PREX2: variants seen among roughly 807,000 people sequenced by gnomAD.
PREX2 encodes phosphatidylinositol-3,4,5-trisphosphate dependent Rac exchange factor 2, also known as phosphatidylinositol 3,4,5-trisphosphate-dependent Rac exchanger 2 protein.
In PREX2, 107 loss-of-function variants were observed where a neutral mutation model predicts 203.2. That is an observed-to-expected ratio of 0.53 (90% CI 0.45 to 0.62). The LOEUF is 0.62. Ranked by LOEUF, PREX2 falls within the 20% of genes least tolerant of loss-of-function variation. The pLI, the probability that PREX2 is intolerant of heterozygous loss-of-function variation, is 0.00. For synonymous variants in PREX2, 672 were observed against 663.6 expected, an observed-to-expected ratio of 1.01 and a Z score of -0.19; for missense variants, 1,777 against 1,955.9, an observed-to-expected ratio of 0.91 and a Z score of 1.72.
chr8:68,120,980 A>G lies in PREX2; in HGVS notation c.3655A>G (p.Lys1219Glu). The G allele has an allele frequency of 6.2e-7, 1 of 1,613,712 alleles. No individual in the cohort carries two copies. The highest frequency in any genetic ancestry group is 1.1e-5 in the South Asian group (1 of 91,048). ...SCPKRLRLHIKQDPWNLPSSV... is the reference protein window; with the variant it reads ...SCPKRLRLHIEQDPWNLPSSV... ...TCCAAAAAGGCTACGGCTTCATATC[A>G]AGCAAGATCCTTGGAATCTTCCCAG... The change falls in exon 30 of 40, where the codon AAG becomes GAG. Residue 1219 changes from lysine (K) to glutamate (E), a missense_variant. Transcript: ENST00000288368.
chr8:68,146,748 T>C (rs7828397), intron 34 of PREX2, among the ~76,000 whole-genome samples: 26,221 of 152,188 alleles, frequency 0.17, 2,453 homozygotes, highest in African/African-American at 0.24. Context: ...ATATCACACA[T>C]GTATGTCTAT....
intron 35 of PREX2, among the ~76,000 whole-genome samples, chr8:68,183,925 C>G (rs567816807): frequency 1.8e-4 from 28 of 152,052 alleles, no homozygotes; most frequent in Non-Finnish European, 3.7e-4. Flanking sequence ...TTTTTAAACA[C>G]TCAAGTAGAA....
chr8:68,112,546 A>G (rs1810555357), intron 25 of PREX2, among the ~76,000 whole-genome samples: 1 of 152,054 alleles, frequency 6.6e-6, no homozygotes, highest in Non-Finnish European at 1.5e-5. Flanking sequence ...TTCCCCAAGC[A>G]TTTTGCTACT....
intron 1 of PREX2, among the ~76,000 whole-genome samples, chr8:67,972,513 T>C (rs1162066059): frequency 1.3e-5 from 2 of 152,152 alleles, no homozygotes; most frequent in Non-Finnish European, 1.5e-5. Flanking sequence ...TTTCAGACCC[T>C]TTTTTTAAGA....
intron 30 of PREX2, among the ~76,000 whole-genome samples, chr8:68,121,537 A>G (rs1810773703): frequency 6.6e-6 from 1 of 152,134 alleles, no homozygotes; most frequent in Non-Finnish European, 1.5e-5. Context: ...TATTTACATG[A>G]CATTCTATAA....
chr8:68,028,865 G>C (rs560829452), intron 5 of PREX2, among the ~76,000 whole-genome samples: 1 of 152,112 alleles, frequency 6.6e-6, no homozygotes, highest in African/African-American at 2.4e-5. Context: ...TCAGGTATTT[G>C]AACTGACCTC....
At chr8:68,166,377 A>C (rs1174704018) in intron 35 of PREX2, among the ~76,000 whole-genome samples, 1 of 152,156 alleles carries the variant, frequency 6.6e-6, no homozygotes, top group Non-Finnish European at 1.5e-5. Context: ...TGTCGACCTA[A>C]AAGGAAGAAA....
chr8:68,114,575 G>A (rs1810604108), intron 25 of PREX2, among the ~76,000 whole-genome samples: 1 of 152,216 alleles, frequency 6.6e-6, no homozygotes, highest in African/African-American at 2.4e-5. Context: ...ACAGCCAAAT[G>A]TTCAAGCCTA....
At chr8:68,137,806 C>T (rs1272838150) in intron 32 of PREX2, among the ~76,000 whole-genome samples, 3 of 152,082 alleles carry the variant, frequency 2.0e-5, no homozygotes, top group South Asian at 2.1e-4. Flanking sequence ...AAGAATGAGA[C>T]GAATGATTAA....
At chr8:68,135,833 T>C (rs1811104750) in intron 32 of PREX2, among the ~76,000 whole-genome samples, 1 of 152,178 alleles carries the variant, frequency 6.6e-6, no homozygotes, top group African/African-American at 2.4e-5. Flanking sequence ...TATATGTCCA[T>C]CAACTGATGA....
Position 67,987,265 on chromosome 8 carries a change from C to T in PREX2, c.142-30581C>T, listed in dbSNP as rs1420307406. On this transcript the variant is annotated intron_variant, in intron 1 of 39. Transcript: ENST00000288368. ...TTTTTTGGAGCTATATAAGGCCAGT[C>T]AACTCTTTTTTAAAGTTAAGCTAGC... is the stretch of plus-strand genomic sequence containing the variant. Among the ~76,000 whole-genome samples the T allele has an allele frequency of 4.0e-5, 6 of 151,000 alleles. No individual in the cohort carries two copies. In the East Asian group the frequency reaches 7.8e-4, roughly 20 times the overall value.
intron 37 of PREX2, among the ~76,000 whole-genome samples, chr8:68,194,191 T>C (rs1359660694): frequency 1.3e-5 from 2 of 152,196 alleles, no homozygotes; most frequent in Non-Finnish European, 2.9e-5. Context: ...TAAATATGCA[T>C]TGAGCACCAA....
chr8:68,227,148 C>T (rs535804473), intron 39 of PREX2, among the ~76,000 whole-genome samples: 1 of 152,326 alleles, frequency 6.6e-6, no homozygotes, highest in Non-Finnish European at 1.5e-5. Context: ...GAATTTATCT[C>T]TGGCAACATC....
Position 68,083,843 on chromosome 8 carries a change from G to A in PREX2, c.2027+455G>A, listed in dbSNP as rs573532622. ...CATACTTGCATGTGCTTAGTAATTT[G>A]TCCATTTCTTTAAAAAATTCTATTA... On this transcript the variant is annotated intron_variant, in intron 18 of 39. Coordinates refer to ENST00000288368, the MANE Select transcript of PREX2 (RefSeq NM_024870.4). Among the ~76,000 whole-genome samples, 11 of 152,218 alleles carry A rather than the reference G, an allele frequency of 7.2e-5. No homozygotes were observed. The Middle Eastern group carries it at 0.017, about 235-fold the overall frequency.
At chr8:68,170,741 T>C (rs1811860431) in intron 35 of PREX2, among the ~76,000 whole-genome samples, 1 of 152,172 alleles carries the variant, frequency 6.6e-6, no homozygotes, top group Non-Finnish European at 1.5e-5. Flanking sequence ...CTCACCCTGT[T>C]TTGTTTTCTC....
At chr8:68,217,355 T>A (rs567516271) in intron 37 of PREX2, among the ~76,000 whole-genome samples, 1 of 152,354 alleles carries the variant, frequency 6.6e-6, no homozygotes, top group East Asian at 1.9e-4. Context: ...ATTCTGGTTA[T>A]TTAATTTTCT....
chr8:67,988,780 A>C (rs1585681917), intron 1 of PREX2, among the ~76,000 whole-genome samples: 1 of 152,320 alleles, frequency 6.6e-6, no homozygotes, highest in Admixed American at 6.5e-5. Flanking sequence ...CGCGTACATG[A>C]CAAGAAGGTG....
At chr8:68,099,000 C>T (rs1389093050) in intron 22 of PREX2, among the ~76,000 whole-genome samples, 4 of 136,138 alleles carry the variant, frequency 2.9e-5, no homozygotes, top group Admixed American at 1.6e-4. Context: ...ATTCTCAGGT[C>T]ATTGGAAATT....
chr8:68,106,265 A>G (rs771089716), intron 23 of PREX2: 1 of 499,488 alleles, frequency 2.0e-6, no homozygotes, highest in Non-Finnish European at 3.9e-6. Context: ...TTATCCTGCA[A>G]TAACAGTGGG....
Sources: gnomAD v4.1 joint callset for allele counts (sites outside exome capture counted in the v4.1 genomes callset) on GRCh38, gnomAD v4.1.1 for gene constraint, MANE v1.5 for transcripts, NCBI Gene and HGNC (gene_info 2026-07-23, HGNC 2026-07-21) for gene names.